The following NRSN1 variants were observed in gnomAD, a reference collection of about 807,000 sequenced individuals.
NRSN1 encodes the protein neurensin-1.
In NRSN1, 14 loss-of-function variants were observed where a neutral mutation model predicts 17.3. That is an observed-to-expected ratio of 0.81 (90% confidence interval 0.54 to 1.27). NRSN1 has a LOEUF of 1.27. Ranked by LOEUF, NRSN1 falls within the 50% of genes most tolerant of loss-of-function variation. The pLI, the probability that NRSN1 is intolerant of heterozygous loss-of-function variation, is 0.00. For synonymous variants in NRSN1, 79 were observed against 94.2 expected, an observed-to-expected ratio of 0.84 and a Z score of 0.93; for missense variants, 209 against 235.9, an observed-to-expected ratio of 0.89 and a Z score of 0.75.
chr6:24,139,714 A>G (rs12202381), intron 3 of NRSN1, among the ~76,000 whole-genome samples: 21,712 of 152,212 alleles, frequency 0.14, 1,911 homozygotes, highest in African/African-American at 0.24. Flanking sequence ...TGTAGCTTCC[A>G]ATTAAACGCT....
chr6:24,144,718 G>A (rs1230091218), intron 3 of NRSN1, among the ~76,000 whole-genome samples: 1 of 152,100 alleles, frequency 6.6e-6, no homozygotes, highest in Admixed American at 6.6e-5. Flanking sequence ...TCTGTGCTTA[G>A]ACAAAGTTAT....
At chr6:24,135,255 TGGATATGCTGATGGTA>T (rs1229015825) in intron 3 of NRSN1, among the ~76,000 whole-genome samples, 1 of 152,170 alleles carries the variant, frequency 6.6e-6, no homozygotes, top group East Asian at 1.9e-4. Flanking sequence ...GACTGGTATT[TGGATATGCTGATGGTA>T]GAAGGCTTTC....
chr6:24,140,697 G>A (rs969198478), intron 3 of NRSN1, among the ~76,000 whole-genome samples: 1 of 152,208 alleles, frequency 6.6e-6, no homozygotes, highest in African/African-American at 2.4e-5. Flanking sequence ...GCAGGTTCGC[G>A]CTTCCAACAG....
chr6:24,126,253 G>T lies in NRSN1; in HGVS notation c.-170G>T. ...GGGCTGAGCTCTACGAGGCGGAGCG[G>T]CGGCGGTGGCGACGGCGATGGGACC... is the stretch of plus-strand genomic sequence containing the variant. On this transcript the variant is annotated 5_prime_UTR_variant, in exon 1 of 4. Transcript: ENST00000378491. 1 of 179,184 alleles carries T rather than the reference G, an allele frequency of 5.6e-6. No homozygotes were observed. The allele number at this position is 179,184 out of a possible 1,614,324, so 11.1% of individuals were successfully genotyped here. A position where few individuals can be genotyped will look rare whatever the true frequency, so the allele number is the denominator to read the frequency against.
chr6:24,126,579 T>C (rs1050589542), intron 1 of NRSN1, among the ~76,000 whole-genome samples: 1 of 152,080 alleles, frequency 6.6e-6, no homozygotes, highest in African/African-American at 2.4e-5. Flanking sequence ...CTCCATGCTT[T>C]GGTGGTTTGT....
chr6:24,146,088 C>T lies in NRSN1; in HGVS notation c.*142C>T. 2.3e-6 allele frequency: 2 copies of T among 878,662 alleles called. No homozygotes were observed. 54.4% of individuals were successfully genotyped at this position (878,662 alleles called of 1,614,324 possible). A position where few individuals can be genotyped will look rare whatever the true frequency, so the allele number is the denominator to read the frequency against. On this transcript the variant is annotated 3_prime_UTR_variant, in exon 4 of 4. Coordinates refer to ENST00000378491, the MANE Select transcript of NRSN1 (RefSeq NM_080723.5). Reference sequence around the variant, plus strand: ...GGGCAATATAATGGGTGGACTCACACTTGCTCAGTTCAGGCAGCTCTGCTG... The same window carrying T: ...GGGCAATATAATGGGTGGACTCACATTTGCTCAGTTCAGGCAGCTCTGCTG...
At chr6:24,128,645 GA>G (rs1203820051) in intron 2 of NRSN1, 1 of 152,214 alleles carries the variant, frequency 6.6e-6, no homozygotes, top group Admixed American at 6.5e-5. Context: ...ATCTTTTAAG[GA>G]ACTGACCTTT....
At chr6:24,144,625 G>A (rs780775595) in intron 3 of NRSN1, among the ~76,000 whole-genome samples, 4 of 152,152 alleles carry the variant, frequency 2.6e-5, no homozygotes, top group Non-Finnish European at 4.4e-5. Flanking sequence ...AAGCCATCAT[G>A]AGAAAGAAGT....
Position 24,145,724 on chromosome 6 carries a change from C to T in NRSN1, c.366C>T (p.Leu122=), listed in dbSNP as rs144963338. ...LDMYKLAGAV[L]FCIGGTSMAG... ...TGTACAAGCTGGCAGGAGCTGTTCT[C>T]TTCTGCATTGGAGGCACGTCCATGG... The change falls in exon 4 of 4, where the codon CTC becomes CTT. Residue 122 remains leucine, a synonymous_variant. Transcript: ENST00000378491. The surrounding 1 kb of genome is among the most constrained non-coding windows in gnomAD (Gnocchi z 4.4). 1,839 of 1,614,190 alleles carry T rather than the reference C, an allele frequency of 1.1e-3. 5 individuals carry two copies. The highest frequency in any genetic ancestry group is 0.01 in the Middle Eastern group (63 of 6,062).
chr6:24,129,092 A>C (rs1759992499), intron 2 of NRSN1: 1 of 152,256 alleles, frequency 6.6e-6, no homozygotes, highest in Non-Finnish European at 1.5e-5. Flanking sequence ...GTCTATTGGC[A>C]CACATAGTGA....
intron 3 of NRSN1, among the ~76,000 whole-genome samples, chr6:24,140,147 T>G (rs989237537): frequency 2.0e-5 from 3 of 152,202 alleles, no homozygotes; most frequent in African/African-American, 2.4e-5. Flanking sequence ...ACATTAGATT[T>G]GACAATTAAG....
At chr6:24,132,857 CT>C (rs1760057995) in intron 2 of NRSN1, among the ~76,000 whole-genome samples, 1 of 151,748 alleles carries the variant, frequency 6.6e-6, no homozygotes, top group Non-Finnish European at 1.5e-5. Flanking sequence ...TCCCCACCCC[CT>C]GACAGGTGTG....
intron 3 of NRSN1, among the ~76,000 whole-genome samples, chr6:24,139,130 C>G (rs1198272422): frequency 1.3e-5 from 2 of 152,144 alleles, no homozygotes; most frequent in Non-Finnish European, 2.9e-5. Context: ...TCTCCCACTC[C>G]CTCCCAGTTC....
chr6:24,140,786 C>G (rs1760191327), intron 3 of NRSN1: 3 of 1,170,228 alleles, frequency 2.6e-6, no homozygotes, highest in Non-Finnish European at 3.3e-6. Context: ...ACTGCATTTT[C>G]AGGCCTCATC....
chr6:24,139,368 G>A (rs1315818945), intron 3 of NRSN1, among the ~76,000 whole-genome samples: 1 of 152,230 alleles, frequency 6.6e-6, no homozygotes, highest in African/African-American at 2.4e-5. Flanking sequence ...ATCCAGGCAA[G>A]ATATAATAAT....
intron 3 of NRSN1, chr6:24,141,113 C>T (rs1760196894): frequency 2.2e-5 from 29 of 1,347,094 alleles, no homozygotes; most frequent in Non-Finnish European, 2.8e-5. Flanking sequence ...AGGACCCTTC[C>T]AAAGCATTCC....
chr6:24,132,498 C>T (rs1760050252), intron 2 of NRSN1, among the ~76,000 whole-genome samples: 1 of 152,210 alleles, frequency 6.6e-6, no homozygotes, highest in Non-Finnish European at 1.5e-5. Flanking sequence ...TTGTTCCCCA[C>T]TTTGTCACGT....
At chr6:24,142,770 A>G (rs916779478) in intron 3 of NRSN1, among the ~76,000 whole-genome samples, 3 of 152,202 alleles carry the variant, frequency 2.0e-5, no homozygotes, top group African/African-American at 7.2e-5. Flanking sequence ...TACAACTCAT[A>G]AAGGTAGTGC....
intron 3 of NRSN1, among the ~76,000 whole-genome samples, chr6:24,142,000 T>C (rs1013774519): frequency 6.6e-6 from 1 of 152,190 alleles, no homozygotes; most frequent in South Asian, 2.1e-4. Context: ...TCACCATGGA[T>C]AGTTAAATCA....
Sources: gnomAD v4.1 joint callset for allele counts (sites outside exome capture counted in the v4.1 genomes callset) on GRCh38, gnomAD v4.1.1 for gene constraint, Gnocchi (gnomAD v3.1) non-coding constraint, MANE v1.5 for transcripts, NCBI Gene and HGNC (gene_info 2026-07-23, HGNC 2026-07-21) for gene names.